Variants in EIF4G3 observed in about 807,000 individuals in gnomAD.
The protein encoded by EIF4G3 is eIF-4-gamma 3.
EIF4G3 carries 34 observed loss-of-function variants against 186.4 expected under a neutral mutation model. The ratio of observed to expected loss-of-function variants is 0.18; its 90% confidence interval spans 0.14 to 0.24. The LOEUF (loss-of-function observed/expected upper bound fraction) is 0.24. Among genes scored for constraint, EIF4G3 ranks in the 10% least tolerant of loss-of-function variants. The probability of loss-of-function intolerance (pLI) is 1.00; values close to 1 mark genes in which losing one functional copy is unlikely to be tolerated. For synonymous variants in EIF4G3, 673 were observed against 679.5 expected, an observed-to-expected ratio of 0.99 and a Z score of 0.15; for missense variants, 1,536 against 1,948.5, an observed-to-expected ratio of 0.79 and a Z score of 3.99.
rs55649192 is a variant in EIF4G3 at position 21,075,570 on chromosome 1, C to CAAAAAAAAA, written c.-196+13559_-196+13567dup. ...GGCAACAGAGTGAGACTCCAACTCA[C>CAAAAAAAAA]AAAAAAAAAAAAAAAAAAAAAAAAA... On this transcript the variant is annotated intron_variant, in intron 3 of 36. Transcript: ENST00000602326. 1.2e-3 allele frequency among the ~76,000 whole-genome samples: 63 copies of CAAAAAAAAA among 51,538 alleles called. 2 individuals carry two copies. The highest frequency in any genetic ancestry group is 2.0e-3 in the Admixed American group (7 of 3,422). The allele number at this position is 51,538 out of a possible 152,430, so 33.8% of individuals were successfully genotyped here.
chr1:20,956,867 G>A (rs1297111175), intron 12 of EIF4G3, among the ~76,000 whole-genome samples: 2 of 152,048 alleles, frequency 1.3e-5, no homozygotes, highest in South Asian at 2.1e-4. Context: ...GCCTCCCAAA[G>A]TACTGGGATT....
intron 2 of EIF4G3, among the ~76,000 whole-genome samples, chr1:21,148,277 C>T (rs200170144): frequency 2.0e-5 from 3 of 152,108 alleles, no homozygotes; most frequent in East Asian, 1.9e-4. Flanking sequence ...TGCTATGTTG[C>T]CCAGGTTGGT....
At chr1:20,945,985 A>T (rs975114404) in intron 13 of EIF4G3, among the ~76,000 whole-genome samples, 1 of 152,230 alleles carries the variant, frequency 6.6e-6, no homozygotes, top group Non-Finnish European at 1.5e-5. Flanking sequence ...CAAATTTATA[A>T]GAAGAATAAA....
intron 17 of EIF4G3, 118 bp from the exon 18 acceptor site, chr1:20,893,754 G>T: frequency 1.7e-6 from 2 of 1,175,566 alleles, no homozygotes; most frequent in Non-Finnish European, 2.3e-6. Context: ...ACCAGCTTTG[G>T]AACCCGCAGA....
intron 2 of EIF4G3, among the ~76,000 whole-genome samples, chr1:21,115,499 C>T (rs2096801072): frequency 6.6e-6 from 1 of 152,176 alleles, no homozygotes; most frequent in Non-Finnish European, 1.5e-5. Flanking sequence ...TTGCTTCATT[C>T]AGTTGCCACA....
At chr1:21,153,855 G>A (rs144728254) in intron 2 of EIF4G3, among the ~76,000 whole-genome samples, 16 of 152,204 alleles carry the variant, frequency 1.1e-4, no homozygotes, top group Admixed American at 3.3e-4. Context: ...GTGAGCCACC[G>A]AGACCGGCCA....
intron 2 of EIF4G3, among the ~76,000 whole-genome samples, chr1:21,109,262 T>C (rs146914063): frequency 1.3e-5 from 2 of 152,328 alleles, no homozygotes; most frequent in African/African-American, 4.8e-5. Flanking sequence ...GTTTCAGCCC[T>C]GCTCATGATG....
At chr1:21,111,337 G>GT in intron 2 of EIF4G3, 1 of 471,488 alleles carries the variant, frequency 2.1e-6, no homozygotes, top group South Asian at 1.5e-5. Flanking sequence ...GGAAAATGAT[G>GT]TGATCGCTCC....
chr1:21,003,037 C>G (rs1349947732), intron 4 of EIF4G3, among the ~76,000 whole-genome samples: 1 of 150,742 alleles, frequency 6.6e-6, no homozygotes, highest in African/African-American at 2.4e-5. Flanking sequence ...GCTCTGTCAC[C>G]CGGGCTAGAG....
At position 20,980,455 on chromosome 1, in the gene EIF4G3, A is replaced by T. The variant is rs1389701859; in HGVS notation, c.379-7T>A. On this transcript the variant is annotated splice_polypyrimidine_tract_variant and splice_region_variant and intron_variant, in intron 9 of 36. Coordinates refer to ENST00000602326, the MANE Select transcript of EIF4G3 (RefSeq NM_001391906.1). ...GAGGGCCACTATGACGGTACTAGAAAAGAGAAAGTATGAATATTTATAAAT... is the reference window on the plus strand; with the variant it reads ...GAGGGCCACTATGACGGTACTAGAATAGAGAAAGTATGAATATTTATAAAT... The T allele has an allele frequency of 6.6e-7, 1 of 1,524,260 alleles. No individual in the cohort carries two copies. The highest frequency in any genetic ancestry group is 8.8e-7 in the Non-Finnish European group (1 of 1,135,296). The allele number at this position is 1,524,260 out of a possible 1,614,324, so 94.4% of individuals were successfully genotyped here.
At chr1:21,086,155 C>G (rs1242465430) in intron 3 of EIF4G3, among the ~76,000 whole-genome samples, 1 of 151,166 alleles carries the variant, frequency 6.6e-6, no homozygotes, top group Non-Finnish European at 1.5e-5. Context: ...TGTTACTGAG[C>G]CTTCAGACAG....
At chr1:20,906,839 C>A (rs1201009032) in intron 14 of EIF4G3, among the ~76,000 whole-genome samples, 4 of 151,934 alleles carry the variant, frequency 2.6e-5, no homozygotes, top group Non-Finnish European at 5.9e-5. Context: ...CACAAACACA[C>A]ACACACCCCT....
intron 4 of EIF4G3, among the ~76,000 whole-genome samples, chr1:21,009,550 G>T (rs2086344113): frequency 6.6e-6 from 1 of 151,452 alleles, no homozygotes; most frequent in Admixed American, 6.6e-5. Context: ...CCTAACAAAT[G>T]TTTGACACTT....
chr1:20,934,278 ATAG>A (rs945472678), intron 14 of EIF4G3, among the ~76,000 whole-genome samples: 3 of 152,218 alleles, frequency 2.0e-5, no homozygotes, highest in African/African-American at 7.2e-5. Flanking sequence ...AGTGAAAAGA[ATAG>A]TAGAAGACAT....
intron 2 of EIF4G3, among the ~76,000 whole-genome samples, chr1:21,163,298 G>C (rs887033364): frequency 6.6e-6 from 1 of 152,204 alleles, no homozygotes; most frequent in African/African-American, 2.4e-5. Flanking sequence ...CAAGTGCTCT[G>C]TAGTCTGCTT....
intron 3 of EIF4G3, among the ~76,000 whole-genome samples, chr1:21,075,468 T>C (rs751287422): frequency 7.0e-5 from 10 of 142,878 alleles, no homozygotes; most frequent in Non-Finnish European, 1.2e-4. Flanking sequence ...ACTTGGGAGG[T>C]TCAGGCAGGA....
intron 36 of EIF4G3, among the ~76,000 whole-genome samples, chr1:20,807,769 T>G (rs1217213328): frequency 7.0e-6 from 1 of 143,036 alleles, no homozygotes; most frequent in Non-Finnish European, 1.5e-5. Flanking sequence ...TTTTTTTTTT[T>G]TTTTTTTTTT....
chr1:21,127,465 A>C (rs2097068346), intron 2 of EIF4G3, among the ~76,000 whole-genome samples: 1 of 152,164 alleles, frequency 6.6e-6, no homozygotes, highest in Admixed American at 6.5e-5. Context: ...ATACAATATA[A>C]ATTTTGTGAA....
At chr1:21,064,998 T>C (rs2095158868) in intron 3 of EIF4G3, 1 of 152,194 alleles carries the variant, frequency 6.6e-6, no homozygotes, top group African/African-American at 2.4e-5. Context: ...GTGACTGCAA[T>C]GGAATTAGTC....
Sources: allele counts gnomAD v4.1 joint callset (sites outside exome capture counted in the v4.1 genomes callset), GRCh38; gene constraint gnomAD v4.1.1; transcripts MANE v1.5; gene names NCBI Gene and HGNC (gene_info 2026-07-23, HGNC 2026-07-21).